The following SEC31A variants were observed in gnomAD, a reference collection of about 807,000 sequenced individuals.
SEC31A encodes the protein protein transport protein Sec31A.
In SEC31A, 70 loss-of-function variants were observed where a neutral mutation model predicts 151.0. The observed-to-expected ratio is 0.46, with a 90% CI of 0.38 to 0.57. The LOEUF (loss-of-function observed/expected upper bound fraction) is 0.57, where lower values mean the gene tolerates loss of function less well. Among genes scored for constraint, SEC31A ranks in the 20% least tolerant of loss-of-function variants. SEC31A has a pLI of 0.00. For missense variants in SEC31A, 1,330 were observed against 1,471.2 expected, an observed-to-expected ratio of 0.90 and a Z score of 1.57; for synonymous variants, 475 against 505.9, an observed-to-expected ratio of 0.94 and a Z score of 0.82.
Position 82,874,834 on chromosome 4 carries a change from GAA to G in SEC31A, c.499-85_499-84del, listed in dbSNP as rs1434329853. On this transcript the variant is annotated intron_variant, in intron 5 of 26. Transcript: ENST00000395310. ...ACTGTAAAATTGGATCCTTCATTTT[GAA>G]AAGTGTATTACTTAAAAATCTGATC... 3.3e-6 allele frequency: 5 copies of G among 1,498,040 alleles called. No homozygotes were observed. In the African/African-American group the frequency reaches 7.1e-5, roughly 21 times the overall value. The allele number at this position is 1,498,040 out of a possible 1,614,324, so 92.8% of individuals were successfully genotyped here. A position where few individuals can be genotyped will look rare whatever the true frequency, so the allele number is the denominator to read the frequency against.
Position 82,819,096 on chromosome 4 carries a change from T to A in SEC31A, c.3641A>T (p.Gln1214Leu). Residue 1214 changes from glutamine (Q) to leucine (L), a missense_variant, in exon 27 of 27, where the codon CAG (glutamine) becomes CTG (leucine). Physicochemically the swap from Gln to Leu is moderately radical, Grantham distance 113. Coordinates refer to ENST00000395310, the MANE Select transcript of SEC31A (RefSeq NM_001077207.4). Reference protein sequence around the residue: ...FMPVLKVVLTQANKLGV With the variant: ...FMPVLKVVLTLANKLGV ...CTTTTAGACACCCAGCTTATTGGCC[T>A]GGGTGAGAACAACTTTGAGAACTGG... is the stretch of plus-strand genomic sequence containing the variant. 6.2e-7 allele frequency: 1 copy of A among 1,609,114 alleles called. No individual in the cohort carries two copies. Among genetic ancestry groups the A allele is most frequent in the Non-Finnish European group, 8.5e-7 (1 of 1,178,054 alleles).
chr4:82,831,427 T>C (rs1725911680), intron 22 of SEC31A: 1 of 152,946 alleles, frequency 6.5e-6, no homozygotes, highest in South Asian at 2.1e-4. Context: ...CAGCTATGGA[T>C]CTTGTTAAAC....
At chr4:82,827,335 T>C (rs747613336) in intron 24 of SEC31A, 34 bp downstream of exon 24, 1 of 1,598,296 alleles carries the variant, frequency 6.3e-7, no homozygotes, top group Non-Finnish European at 8.6e-7. Flanking sequence ...AACACAGCCA[T>C]CTTCCCATTC....
chr4:82,874,797 TA>T, intron 5 of SEC31A, 46 bp from the exon 6 acceptor site: 5 of 1,568,554 alleles, frequency 3.2e-6, no homozygotes, highest in Non-Finnish European at 4.3e-6. Flanking sequence ...TTCTCTATTA[TA>T]ATCAAATTTA....
At chr4:82,850,769 A>C (rs777663713) in intron 19 of SEC31A, among the ~76,000 whole-genome samples, 39 of 152,186 alleles carry the variant, frequency 2.6e-4, no homozygotes, top group Non-Finnish European at 4.4e-4. Context: ...ACACTTCTGG[A>C]ATCTCATGTT....
Position 82,844,494 on chromosome 4 carries a change from G to A in SEC31A, c.2518C>T (p.Pro840Ser), listed in dbSNP as rs755014203. Residue 840 changes from proline (P) to serine (S), a missense_variant, in exon 21 of 27, where the codon CCT becomes TCT. Transcript: ENST00000395310. ...QYYPHGENPPPPGFIMHGNVN... is the reference protein window; with the variant it reads ...QYYPHGENPPSPGFIMHGNVN... ...TTTCCATGCATTATGAAACCCGGAG[G>A]TGGAGGATTTTCTCCCTAAGAAACA... The A allele has an allele frequency of 2.0e-5, 33 of 1,613,698 alleles. No homozygotes were observed. In the Admixed American group the frequency reaches 4.5e-4, roughly 22 times the overall value.
upstream of SEC31A, chr4:82,894,509 T>C (rs1160763101): frequency 6.6e-5 from 10 of 152,282 alleles, no homozygotes; most frequent in Non-Finnish European, 1.5e-4. Flanking sequence ...TCTATGGTGT[T>C]GGCTGTTGTT....
At chr4:82,883,437 C>T (rs937367981) in intron 1 of SEC31A, among the ~76,000 whole-genome samples, 1 of 152,168 alleles carries the variant, frequency 6.6e-6, no homozygotes, top group Non-Finnish European at 1.5e-5. Flanking sequence ...TCCTCTATGG[C>T]AATTGTGCCT....
Position 82,874,763 on chromosome 4 carries a change from A to G in SEC31A, c.499-12T>C. The G allele has an allele frequency of 6.3e-7, 1 of 1,592,952 alleles. No homozygotes were observed. Among genetic ancestry groups the G allele is most frequent in the Middle Eastern group, 1.7e-4 (1 of 6,018 alleles). On this transcript the variant is annotated splice_polypyrimidine_tract_variant and intron_variant, in intron 5 of 26. Coordinates refer to ENST00000395310, the MANE Select transcript of SEC31A (RefSeq NM_001077207.4). ...ATATCTTCTGGCGGCTACAAGGAAG[A>G]AACAGTTAATAAAAACTGCTTGTTT...
chr4:82,861,426 C>T (rs1734094455), intron 14 of SEC31A, among the ~76,000 whole-genome samples: 1 of 152,156 alleles, frequency 6.6e-6, no homozygotes, highest in Admixed American at 6.6e-5. Flanking sequence ...ACCATATAAT[C>T]CAGAAACAAG....
chr4:82,854,396 T>C (rs1273237714), intron 17 of SEC31A, among the ~76,000 whole-genome samples: 1 of 151,740 alleles, frequency 6.6e-6, no homozygotes, highest in Non-Finnish European at 1.5e-5. Context: ...TAGTATTTTG[T>C]AATTTTTATA....
At chr4:82,822,266 T>C (rs1172836458) in intron 25 of SEC31A, among the ~76,000 whole-genome samples, 1 of 151,710 alleles carries the variant, frequency 6.6e-6, no homozygotes, top group Admixed American at 6.6e-5. Flanking sequence ...GCATGTCAGA[T>C]GGTGATAACT....
intron 24 of SEC31A, 102 bp downstream of exon 24, chr4:82,827,267 G>T: frequency 7.7e-7 from 1 of 1,298,076 alleles, no homozygotes. Context: ...AGGTTGTCTA[G>T]ATGTTTAATA....
intron 22 of SEC31A, among the ~76,000 whole-genome samples, chr4:82,838,351 A>G (rs1012928767): frequency 6.6e-6 from 1 of 152,190 alleles, no homozygotes; most frequent in Non-Finnish European, 1.5e-5. Context: ...CAAAAGTGAC[A>G]GGCAGTTATC....
chr4:82,840,584 T>C (rs1018137433), intron 22 of SEC31A, among the ~76,000 whole-genome samples: 3 of 152,208 alleles, frequency 2.0e-5, no homozygotes, highest in African/African-American at 7.2e-5. Flanking sequence ...TGGGTATGCG[T>C]TCTGAGAAAT....
At chr4:82,848,521 CAT>C (rs1246371397) in intron 20 of SEC31A, among the ~76,000 whole-genome samples, 1 of 152,116 alleles carries the variant, frequency 6.6e-6, no homozygotes, top group African/African-American at 2.4e-5. Context: ...AGTAGATGTA[CAT>C]GTTTAAGTGA....
At chr4:82,874,400 C>T (rs568957729) in intron 6 of SEC31A, among the ~76,000 whole-genome samples, 5 of 152,170 alleles carry the variant, frequency 3.3e-5, no homozygotes, top group African/African-American at 9.6e-5. Context: ...AATCTCTCTT[C>T]ATCATTAATA....
intron 14 of SEC31A, 65 bp downstream of exon 14, chr4:82,861,566 A>T: frequency 9.3e-7 from 1 of 1,080,700 alleles, no homozygotes; most frequent in Non-Finnish European, 1.4e-6. Context: ...AATTTTCCTT[A>T]TTTTAATGTG....
At chr4:82,884,127 C>A (rs1560669788) in intron 1 of SEC31A, among the ~76,000 whole-genome samples, 1 of 151,474 alleles carries the variant, frequency 6.6e-6, no homozygotes, top group Non-Finnish European at 1.5e-5. Flanking sequence ...ACTGGGATTA[C>A]AGGCACACAC....
Sources: allele counts gnomAD v4.1 joint callset (sites outside exome capture counted in the v4.1 genomes callset), GRCh38; gene constraint gnomAD v4.1.1; transcripts MANE v1.5; gene names NCBI Gene and HGNC (gene_info 2026-07-23, HGNC 2026-07-21).